The following DST variants were observed in gnomAD, a reference collection of about 807,000 sequenced individuals.
DST encodes dystonin.
DST carries 253 observed loss-of-function variants against 875.2 expected under a neutral mutation model. That is an observed-to-expected ratio of 0.29 (90% CI 0.26 to 0.32). The LOEUF is 0.32. DST is among the 10% of genes least tolerant of loss of function. The pLI, the probability that DST is intolerant of heterozygous loss-of-function variation, is 1.00. For missense variants in DST, 8,287 were observed against 9,111.6 expected, an observed-to-expected ratio of 0.91 and a Z score of 3.68; for synonymous variants, 3,124 against 3,197.1, an observed-to-expected ratio of 0.98 and a Z score of 0.77.
Position 56,555,573 on chromosome 6 carries a change from G to T in DST, c.14908C>A (p.Leu4970Ile). Residue 4970 changes from leucine (L) to isoleucine (I), a missense_variant, in exon 60 of 104, where the codon CTC becomes ATC. Around this residue, in one of 10 missense-constraint regions of DST, gnomAD observed 1,513 missense variants for 1,677.8 expected, o/e 0.90. Coordinates refer to ENST00000680361, the MANE Select transcript of DST (RefSeq NM_001374736.1). ...GTGCTCACAGCCAGACTGCTGCTGA[G>T]TTTATTATCCAAGTCACTCAGTTTA... ...SDKLSDLDNK[L>I]SSSLAVSTHP... 1 of 1,614,016 alleles carries T rather than the reference G, an allele frequency of 6.2e-7. No homozygotes were observed. The highest frequency in any genetic ancestry group is 2.2e-5 in the East Asian group (1 of 44,886).
Position 56,605,108 on chromosome 6 carries a change from G to C in DST, c.9520C>G (p.Pro3174Ala), listed in dbSNP as rs1226712348. 6.2e-7 allele frequency: 1 copy of C among 1,612,604 alleles called. No homozygotes were observed. The highest frequency in any genetic ancestry group is 2.2e-5 in the East Asian group (1 of 44,830). ...THFEESFTDG[P>A]EKELDLFTYL... ...GTAAACAGATCAAGCTCTTTCTCAG[G>C]TCCATCAGTGAATGACTCCTCAAAA... Residue 3174 changes from proline (P) to alanine (A), a missense_variant, in exon 40 of 104, where the codon CCT (proline) becomes GCT (alanine). Transcript: ENST00000680361.
rs753410101 is a variant in DST, at chr6:56,620,444, C to T, written c.4929+4086G>A. ...TCTCACAATGGTTTCAAGTTCCCTGCGGTACTGCTTGGCTTCACTTTCAGC... is the reference window on the plus strand; with the variant it reads ...TCTCACAATGGTTTCAAGTTCCCTGTGGTACTGCTTGGCTTCACTTTCAGC... On this transcript the variant is annotated intron_variant, in intron 36 of 103. Transcript: ENST00000680361. The T allele has an allele frequency of 3.0e-5, 48 of 1,614,146 alleles. No individual in the cohort carries two copies. In the South Asian group the frequency reaches 4.2e-4, roughly 14 times the overall value.
intron 36 of DST, chr6:56,617,843 A>C: frequency 1.4e-6 from 1 of 703,916 alleles, no homozygotes; most frequent in South Asian, 1.7e-5. Context: ...TACCAGAAAG[A>C]GTATAGCATT....
At position 56,600,189 on chromosome 6, in the gene DST, C is replaced by T. The variant is rs2098433201; in HGVS notation, c.11574G>A (p.Glu3858=). 1 of 1,612,600 alleles carries T rather than the reference C, an allele frequency of 6.2e-7. No individual in the cohort carries two copies. The highest frequency in any genetic ancestry group is 8.5e-7 in the Non-Finnish European group (1 of 1,178,972). Residue 3858 remains glutamate, a synonymous_variant, in exon 45 of 104, where the codon GAG becomes GAA. Transcript: ENST00000680361. ...GAAGATCACATATCCCTTGGAGTTTCTCTTTATACTCCTGCTGACGCTCTG... is the reference window on the plus strand; with the variant it reads ...GAAGATCACATATCCCTTGGAGTTTTTCTTTATACTCCTGCTGACGCTCTG... ...IVAERQQEYK[E]KLQGICDLLT...
intron 3 of DST, among the ~76,000 whole-genome samples, chr6:56,871,927 C>T (rs1270573381): frequency 6.6e-6 from 1 of 152,008 alleles, no homozygotes; most frequent in Non-Finnish European, 1.5e-5. Context: ...TTGAAAAGAA[C>T]GTGGCTCCTC....
chr6:56,742,729 C>A (rs1337261523), intron 4 of DST, among the ~76,000 whole-genome samples: 2 of 152,066 alleles, frequency 1.3e-5, no homozygotes, highest in African/African-American at 2.4e-5. Context: ...GGCAGAATTT[C>A]CCTGCAATAA....
chr6:56,914,159 T>C (rs1367469399), intron 2 of DST, among the ~76,000 whole-genome samples: 1 of 152,202 alleles, frequency 6.6e-6, no homozygotes, highest in Non-Finnish European at 1.5e-5. Context: ...AAAATAAATA[T>C]GCTTGGCTTT....
chr6:56,493,715 A>T (rs1391714114), intron 83 of DST, among the ~76,000 whole-genome samples: 4 of 152,102 alleles, frequency 2.6e-5, no homozygotes, highest in Non-Finnish European at 5.9e-5. Flanking sequence ...AATAGAATTA[A>T]TTATTTAATG....
rs2097915106 is a variant in DST at position 56,578,864 on chromosome 6, T to C, written c.12977A>G (p.Asp4326Gly). The C allele has an allele frequency of 6.2e-7, 1 of 1,611,176 alleles. No individual in the cohort carries two copies. The highest frequency in any genetic ancestry group is 2.2e-5 in the East Asian group (1 of 44,782). Residue 4326 changes from aspartate (D) to glycine (G), a missense_variant, in exon 50 of 104, where the codon GAT becomes GGT. By Grantham distance (94) the Asp-to-Gly change is moderately conservative (BLOSUM62 -1). This residue lies in a region of DST where 1,513 missense variants were observed against 1,677.8 expected (regional missense o/e 0.90). Coordinates refer to ENST00000680361, the MANE Select transcript of DST (RefSeq NM_001374736.1). ...GGCTGGAAGTAAAGATCCCCTGGCA[T>C]CTAAAAGCACTTCAGCCGTTTTCTT... ...KLKKTAEVLL[D>G]ARGSLLPAKN...
intron 87 of DST, among the ~76,000 whole-genome samples, chr6:56,486,160 G>A (rs1449298329): frequency 2.6e-5 from 4 of 151,746 alleles, no homozygotes; most frequent in Admixed American, 6.6e-5. Context: ...TCAGGAGATC[G>A]AGACCATCCC....
intron 9 of DST, among the ~76,000 whole-genome samples, chr6:56,679,014 T>C (rs2099144251): frequency 6.6e-6 from 1 of 152,218 alleles, no homozygotes; most frequent in African/African-American, 2.4e-5. Flanking sequence ...CCCATGTATG[T>C]ATGAAACATA....
In DST at chr6:56,604,916, G is replaced by C; in HGVS notation, c.9712C>G (p.Leu3238Val). ...TCATTGCTTTGGATCATGTCATTAA[G>C]AGGTGAGTCTTTTTGGGTACTAGTG... ...KSTSTQKDSP[L>V]NDMIQSNDLC... is the part of the protein sequence containing the mutation. Residue 3238 changes from leucine (L) to valine (V), a missense_variant, in exon 40 of 104, where the codon CTT becomes GTT. Leu to Val is a conservative substitution (Grantham distance 32). Transcript: ENST00000680361. 6.2e-7 allele frequency: 1 copy of C among 1,612,602 alleles called. No homozygotes were observed. The highest frequency in any genetic ancestry group is 8.5e-7 in the Non-Finnish European group (1 of 1,179,238).
At chr6:56,565,812 C>G (rs2152573805) in intron 55 of DST, among the ~76,000 whole-genome samples, 1 of 152,322 alleles carries the variant, frequency 6.6e-6, no homozygotes, top group East Asian at 1.9e-4. Flanking sequence ...ACCCCTTCCC[C>G]CAGGTGCTCT....
chr6:56,777,241 A>C (rs915925474), intron 4 of DST, among the ~76,000 whole-genome samples: 9 of 152,158 alleles, frequency 5.9e-5, no homozygotes, highest in African/African-American at 2.2e-4. Context: ...ATAAACTCTG[A>C]ATCAACTGAG....
Position 56,639,456 on chromosome 6 carries a change from A to G in DST, c.2853T>C (p.Tyr951=). The change falls in exon 21 of 104, where the codon TAT becomes TAC. Residue 951 remains tyrosine (Y), a synonymous_variant. Transcript: ENST00000680361. ...RNTNIARKKD[Y]HAELMRELDQ... ...GTACAAAGGGTGTACTTACAGCATGATAATCTTTTTTCCTAGCTATGTTGG... is the reference window on the plus strand; with the variant it reads ...GTACAAAGGGTGTACTTACAGCATGGTAATCTTTTTTCCTAGCTATGTTGG... 1 of 1,613,808 alleles carries G rather than the reference A, an allele frequency of 6.2e-7. No individual in the cohort carries two copies. Among genetic ancestry groups the G allele is most frequent in the Non-Finnish European group, 8.5e-7 (1 of 1,179,886 alleles).
chr6:56,470,224 G>A lies in DST; in HGVS notation c.22380C>T (p.Gly7460=), dbSNP rs545772116. 1.4e-5 allele frequency: 22 copies of A among 1,610,936 alleles called. No homozygotes were observed. The highest frequency in any genetic ancestry group is 1.7e-5 in the Admixed American group (1 of 59,590). The part of the protein sequence containing the change: ...SAVADIFDRD[G]DGYIDYYEFV... ...ATTCATAGTAGTCAATATATCCATC[G>A]CCATCTCTGTCAAAGATGTCTGCAA... Residue 7460 remains glycine (G), a synonymous_variant, in exon 96 of 104, where the codon GGC becomes GGT. Transcript: ENST00000680361.
chr6:56,935,348 C>T (rs1162564122), intron 2 of DST, among the ~76,000 whole-genome samples: 1 of 152,224 alleles, frequency 6.6e-6, no homozygotes, highest in Non-Finnish European at 1.5e-5. Flanking sequence ...CTGAAATGCT[C>T]GCAACTGCCT....
rs531492022 is a variant in DST, at chr6:56,566,277, C to T, written c.14005+2192G>A. On this transcript the variant is annotated intron_variant, in intron 55 of 103. Transcript: ENST00000680361. ...AAACTCCTGCAGCTAGCTTGGTGTCCGCCCAAATGGCCACCCAGTTTTGTG... is the reference window on the plus strand; with the variant it reads ...AAACTCCTGCAGCTAGCTTGGTGTCTGCCCAAATGGCCACCCAGTTTTGTG... Among the ~76,000 whole-genome samples the T allele has an allele frequency of 5.9e-5, 9 of 152,308 alleles. No individual in the cohort carries two copies. In the East Asian group the frequency reaches 7.7e-4, roughly 13 times the overall value.
At chr6:56,570,835 A>G (rs990090466) in intron 53 of DST, among the ~76,000 whole-genome samples, 4 of 152,238 alleles carry the variant, frequency 2.6e-5, no homozygotes, top group Non-Finnish European at 5.9e-5. Context: ...ATTTACATTC[A>G]ATGAGCTTTG....
Sources: gnomAD v4.1 joint callset for allele counts (sites outside exome capture counted in the v4.1 genomes callset) on GRCh38, gnomAD v4.1.1 for gene constraint, gnomAD v4.1.1 regional missense constraint, MANE v1.5 for transcripts, NCBI Gene and HGNC (gene_info 2026-07-23, HGNC 2026-07-21) for gene names.